Variants in CYB5R3 observed in about 807,000 individuals in gnomAD.
CYB5R3 encodes the protein NADH-cytochrome b5 reductase 3.
In CYB5R3, 28 loss-of-function variants were observed where a neutral mutation model predicts 36.5. The ratio of observed to expected loss-of-function variants is 0.77; its 90% CI spans 0.57 to 1.05. The LOEUF (loss-of-function observed/expected upper bound fraction) is 1.05, where lower values mean the gene tolerates loss of function less well. Ranked by LOEUF, CYB5R3 falls within the 50% of genes least tolerant of loss-of-function variation. CYB5R3 has a pLI of 0.00. For missense variants in CYB5R3, 474 were observed against 408.9 expected, an observed-to-expected ratio of 1.16 and a Z score of -1.37; for synonymous variants, 181 against 159.8, an observed-to-expected ratio of 1.13 and a Z score of -1.00.
chr22:42,626,901 G>T (rs962778029), intron 7 of CYB5R3, among the ~76,000 whole-genome samples: 4 of 152,178 alleles, frequency 2.6e-5, no homozygotes, highest in African/African-American at 7.2e-5. Flanking sequence ...TTCAAATCCT[G>T]CCCTGACACC....
chr22:42,646,001 GT>G (rs1569328844), intron 1 of CYB5R3, among the ~76,000 whole-genome samples: 1 of 152,168 alleles, frequency 6.6e-6, no homozygotes, highest in Non-Finnish European at 1.5e-5. Context: ...AGGGGCGAAG[GT>G]TTCACCTCCA....
intron 1 of CYB5R3, chr22:42,640,102 C>T (rs750167355): frequency 1.9e-6 from 3 of 1,612,992 alleles, no homozygotes; most frequent in South Asian, 1.1e-5. Flanking sequence ...CTGAGCACTA[C>T]TGACTATTTT....
rs996399801 is a variant in CYB5R3, at chr22:42,631,598, G to A, written c.154-148C>T. The stretch of plus-strand genomic sequence containing the variant: ...TGTCCTTGTAAGACGTGACGCCGAC[G>A]CCAAGCACAGATGCACACACATGCA... On this transcript the variant is annotated intron_variant, in intron 2 of 8. Transcript: ENST00000352397. 1.0e-4 allele frequency: 77 copies of A among 734,728 alleles called. No individual in the cohort carries two copies. In the Middle Eastern group the frequency reaches 1.1e-3, roughly 10 times the overall value. The allele number at this position is 734,728 out of a possible 1,614,324, so 45.5% of individuals were successfully genotyped here.
At chr22:42,634,662 G>T (rs1185827274) in intron 2 of CYB5R3, among the ~76,000 whole-genome samples, 5 of 147,586 alleles carry the variant, frequency 3.4e-5, no homozygotes, top group African/African-American at 1.0e-4. Flanking sequence ...GTCTTGCTCT[G>T]TAGCCCAGGC....
intron 4 of CYB5R3, 100 bp from the exon 5 acceptor site, chr22:42,628,381 G>A (rs1169085307): frequency 1.3e-6 from 2 of 1,483,400 alleles, no homozygotes; most frequent in African/African-American, 2.8e-5. Flanking sequence ...AGCTTCTTCT[G>A]AGGCCCACAC....
In CYB5R3 at chr22:42,636,919, C is replaced by A. The variant is rs1406863027; in HGVS notation, c.22-73G>T. On this transcript the variant is annotated intron_variant, in intron 1 of 8. Transcript: ENST00000352397. The stretch of plus-strand genomic sequence containing the variant: ...CAAACACACCGGCTTGTCCACACTA[C>A]CAGGCCTCTGCTCACGCTGCCCCCT... 4.5e-6 allele frequency: 7 copies of A among 1,571,834 alleles called. No individual in the cohort carries two copies. In the African/African-American group the frequency reaches 9.5e-5, roughly 21 times the overall value.
intron 8 of CYB5R3, among the ~76,000 whole-genome samples, chr22:42,622,229 C>T (rs753786664): frequency 5.3e-5 from 8 of 152,096 alleles, no homozygotes; most frequent in African/African-American, 9.7e-5. Context: ...CTGCTCCTTT[C>T]GTTAGTAGAA....
chr22:42,639,502 T>C (rs1036303225), intron 1 of CYB5R3, among the ~76,000 whole-genome samples: 2 of 150,384 alleles, frequency 1.3e-5, no homozygotes, highest in Admixed American at 6.6e-5. Flanking sequence ...GTAGCGGGCG[T>C]CTGCAATCCC....
chr22:42,619,967 A>G lies in CYB5R3; in HGVS notation c.734-22T>C, dbSNP rs754673042. On this transcript the variant is annotated intron_variant, in intron 8 of 8. Transcript: ENST00000352397. ...CAGGCTGTGGGGTGAGAGACCAGGT[A>G]AGCTGACGTGTGGCTGTGTGGTCAC... The G allele has an allele frequency of 2.5e-6, 4 of 1,579,840 alleles. No homozygotes were observed. In the South Asian group the frequency reaches 4.6e-5, roughly 18 times the overall value.
chr22:42,646,642 T>C (rs552992131), intron 1 of CYB5R3: 5 of 985,408 alleles, frequency 5.1e-6, no homozygotes, highest in Non-Finnish European at 1.2e-6. Context: ...CTTGCTTACC[T>C]GTCCCCTGCC....
chr22:42,627,683 A>G lies in CYB5R3; in HGVS notation c.469T>C (p.Phe157Leu). The G allele has an allele frequency of 6.2e-7, 1 of 1,612,862 alleles. No individual in the cohort carries two copies. The highest frequency in any genetic ancestry group is 1.1e-5 in the South Asian group (1 of 91,064). Residue 157 changes from phenylalanine (F) to leucine (L), a missense_variant, in exon 6 of 9, where the codon TTC becomes CTC. Phe to Leu is a conservative substitution (Grantham distance 22). Coordinates refer to ENST00000352397, the MANE Select transcript of CYB5R3 (RefSeq NM_000398.7). ...GACTTTTTGTCAGGTCGGATGGCGA[A>G]CTTCCCTGGGGAGAGAGAAGGGGTG... ...GLLVYQGKGK[F>L]AIRPDKKSNP...
Position 42,628,172 on chromosome 22 carries a change from A to G in CYB5R3, c.443T>C (p.Leu148Pro). Residue 148 changes from leucine (L) to proline (P), a missense_variant, in exon 5 of 9, where the codon CTG (leucine) becomes CCG (proline). By Grantham distance (98) the Leu-to-Pro change is moderately conservative (BLOSUM62 -3). Coordinates refer to ENST00000352397, the MANE Select transcript of CYB5R3 (RefSeq NM_000398.7). Reference sequence around the variant, plus strand: ...ATCACCTTTGCCCTGGTAGACCAGCAGCCCACTGGGGCCCCGGAACTCAAT... The same window carrying G: ...ATCACCTTTGCCCTGGTAGACCAGCGGCCCACTGGGGCCCCGGAACTCAAT... ...DTIEFRGPSG[L>P]LVYQGKGKFA... The G allele has an allele frequency of 6.2e-7, 1 of 1,614,104 alleles. No individual in the cohort carries two copies.
chr22:42,649,377 G>A lies in CYB5R3; in HGVS notation c.-62C>T. The A allele has an allele frequency of 6.6e-6, 4 of 610,500 alleles. No homozygotes were observed. The highest frequency in any genetic ancestry group is 8.3e-6 in the Non-Finnish European group (4 of 482,918). 37.8% of individuals were successfully genotyped at this position (610,500 alleles called of 1,614,324 possible). On this transcript the variant is annotated 5_prime_UTR_variant, in exon 1 of 9. Transcript: ENST00000352397. ...CGCCGCCGCCGAGACCGTCGCGCCC[G>A]GGCCCGCGTCACTCCGGAGCAGGGG...
rs545535545 is a variant in CYB5R3 at position 42,618,095 on chromosome 22, G to A, written c.*1678C>T. The A allele has an allele frequency of 2.0e-5, 3 of 152,268 alleles. No individual in the cohort carries two copies. The highest frequency in any genetic ancestry group is 7.2e-5 in the African/African-American group (3 of 41,430). 9.4% of individuals were successfully genotyped at this position (152,268 alleles called of 1,614,324 possible). Reference sequence around the variant, plus strand: ...CTTTCCTGAGCCTCGAGGCTCATCTGACCCTGACAGGAGGCAGCAGCCTCG... The same window carrying A: ...CTTTCCTGAGCCTCGAGGCTCATCTAACCCTGACAGGAGGCAGCAGCCTCG... On this transcript the variant is annotated 3_prime_UTR_variant, in exon 9 of 9. Transcript: ENST00000352397.
Position 42,636,957 on chromosome 22 carries a change from C to A in CYB5R3, c.22-111G>T. On this transcript the variant is annotated intron_variant, in intron 1 of 8. Coordinates refer to ENST00000352397, the MANE Select transcript of CYB5R3 (RefSeq NM_000398.7). ...CACGCTGCCCCCTCTGCCAGGAGCACCCTCTCCCCACCACCCTCATCCAGA... is the reference window on the plus strand; with the variant it reads ...CACGCTGCCCCCTCTGCCAGGAGCAACCTCTCCCCACCACCCTCATCCAGA... 5 of 1,430,948 alleles carry A rather than the reference C, an allele frequency of 3.5e-6. No homozygotes were observed. The South Asian group carries it at 6.1e-5, about 18-fold the overall frequency. 88.6% of individuals were successfully genotyped at this position (1,430,948 alleles called of 1,614,324 possible).
At chr22:42,628,791 A>C (rs1162478885) in intron 4 of CYB5R3, among the ~76,000 whole-genome samples, 1 of 152,106 alleles carries the variant, frequency 6.6e-6, no homozygotes, top group East Asian at 1.9e-4. Context: ...GACACCTACA[A>C]AGAAATGGGG....
chr22:42,638,728 TAA>T lies in CYB5R3; in HGVS notation c.22-1884_22-1883del, dbSNP rs67349863. 6.7e-3 allele frequency among the ~76,000 whole-genome samples: 316 copies of T among 47,512 alleles called. 6 individuals carry two copies. Among genetic ancestry groups the T allele is most frequent in the African/African-American group, 0.028 (258 of 9,106 alleles). 31.2% of individuals were successfully genotyped at this position (47,512 alleles called of 152,430 possible). A position where few individuals can be genotyped will look rare whatever the true frequency, so the allele number is the denominator to read the frequency against. On this transcript the variant is annotated intron_variant, in intron 1 of 8. Coordinates refer to ENST00000352397, the MANE Select transcript of CYB5R3 (RefSeq NM_000398.7). The stretch of plus-strand genomic sequence containing the variant: ...GCCTGGGAGACAGAGCAAGACTCCA[TAA>T]AAAAAAAAAAAAAAAAAAAAGGCCG...
At chr22:42,638,411 A>AG (rs1310286440) in intron 1 of CYB5R3, among the ~76,000 whole-genome samples, 1 of 148,372 alleles carries the variant, frequency 6.7e-6, no homozygotes, top group Non-Finnish European at 1.5e-5. Context: ...AAAAAAAAAA[A>AG]AAAAAAAAGT....
At chr22:42,640,302 C>A in intron 1 of CYB5R3, 2 of 1,530,330 alleles carry the variant, frequency 1.3e-6, no homozygotes, top group Non-Finnish European at 8.8e-7. Flanking sequence ...TCCATCATCC[C>A]GAATGGCCAG....
Sources: allele counts gnomAD v4.1 joint callset (sites outside exome capture counted in the v4.1 genomes callset), GRCh38; gene constraint gnomAD v4.1.1; transcripts MANE v1.5; gene names NCBI Gene and HGNC (gene_info 2026-07-23, HGNC 2026-07-21).